The following KCNMB2 variants were observed in gnomAD, a reference collection of about 807,000 sequenced individuals.
KCNMB2 encodes potassium calcium-activated channel subfamily M regulatory beta subunit 2.
KCNMB2 carries 9 observed loss-of-function variants against 24.5 expected under a neutral mutation model. That is an observed-to-expected ratio of 0.37 (90% CI 0.22 to 0.64). KCNMB2 has a LOEUF of 0.64. Among genes scored for constraint, KCNMB2 ranks in the 30% least tolerant of loss-of-function variants. The pLI is 0.63. For missense variants in KCNMB2, 226 were observed against 284.3 expected (o/e 0.79, Z 1.47); for synonymous variants, 109 against 104.4 (o/e 1.04, Z -0.27).
intron 1 of KCNMB2, among the ~76,000 whole-genome samples, chr3:178,626,970 A>G (rs974978300): frequency 1.3e-4 from 20 of 150,810 alleles, no homozygotes; most frequent in Non-Finnish European, 5.9e-5. Flanking sequence ...AACTATAACA[A>G]TGTTAACTTA....
chr3:178,807,544 T>C (rs879477921), intron 2 of KCNMB2, 79 bp downstream of exon 2: 146 of 1,209,822 alleles, frequency 1.2e-4, no homozygotes, highest in Non-Finnish European at 1.7e-4. Context: ...AGGAAAGTAG[T>C]AGGCAACTGA....
At chr3:178,771,570 C>T (rs533897779) in intron 1 of KCNMB2, among the ~76,000 whole-genome samples, 1 of 149,168 alleles carries the variant, frequency 6.7e-6, no homozygotes, top group African/African-American at 2.5e-5. Context: ...CAGCCTCAAC[C>T]TCCTGGGCTC....
At chr3:178,656,720 C>T (rs1244564975) in intron 1 of KCNMB2, among the ~76,000 whole-genome samples, 6 of 151,960 alleles carry the variant, frequency 3.9e-5, no homozygotes, top group Non-Finnish European at 8.8e-5. Flanking sequence ...TGCAGTGAGC[C>T]GAGATCGCGC....
intron 1 of KCNMB2, among the ~76,000 whole-genome samples, chr3:178,558,449 T>A (rs371175988): frequency 6.6e-6 from 1 of 152,326 alleles, no homozygotes; most frequent in African/African-American, 2.4e-5. Flanking sequence ...TGGGGTTTTT[T>A]AAATCTGTAA....
intron 4 of KCNMB2, among the ~76,000 whole-genome samples, chr3:178,832,024 T>A (rs1715074161): frequency 6.6e-6 from 1 of 152,208 alleles, no homozygotes; most frequent in South Asian, 2.1e-4. Flanking sequence ...GACATTACTA[T>A]TGTTGTTGTA....
At chr3:178,582,239 A>G (rs1033226944) in intron 1 of KCNMB2, among the ~76,000 whole-genome samples, 21 of 152,078 alleles carry the variant, frequency 1.4e-4, no homozygotes, top group African/African-American at 4.8e-4. Context: ...GGAAACTATC[A>G]CTCTCAGCAA....
At chr3:178,598,273 G>C (rs1717949622) in intron 1 of KCNMB2, among the ~76,000 whole-genome samples, 1 of 152,136 alleles carries the variant, frequency 6.6e-6, no homozygotes. Context: ...ATCCAGTCAA[G>C]AGATAGCGAC....
chr3:178,641,766 C>T (rs1719736968), intron 1 of KCNMB2, among the ~76,000 whole-genome samples: 1 of 152,062 alleles, frequency 6.6e-6, no homozygotes. Flanking sequence ...TTCTCTTTCT[C>T]TTTAACATCA....
chr3:178,665,949 T>C (rs1720703015), intron 1 of KCNMB2, among the ~76,000 whole-genome samples: 1 of 152,160 alleles, frequency 6.6e-6, no homozygotes, highest in Non-Finnish European at 1.5e-5. Flanking sequence ...CCGTTAAGCC[T>C]TTCTATTACG....
chr3:178,766,825 C>A (rs528117658), intron 1 of KCNMB2, among the ~76,000 whole-genome samples: 1 of 152,154 alleles, frequency 6.6e-6, no homozygotes, highest in Non-Finnish European at 1.5e-5. Context: ...AAACAACTTA[C>A]ATACCCTGAA....
chr3:178,740,301 G>T (rs113638466), intron 1 of KCNMB2, among the ~76,000 whole-genome samples: 18 of 151,624 alleles, frequency 1.2e-4, no homozygotes, highest in African/African-American at 4.1e-4. Context: ...TTGTATTTTT[G>T]AGTAGAGACG....
At chr3:178,626,982 A>T (rs1233854241) in intron 1 of KCNMB2, among the ~76,000 whole-genome samples, 1 of 151,096 alleles carries the variant, frequency 6.6e-6, no homozygotes, top group East Asian at 1.9e-4. Context: ...GTTAACTTAC[A>T]CTGGCCAATG....
intron 1 of KCNMB2, among the ~76,000 whole-genome samples, chr3:178,685,711 C>G (rs4295149): frequency 6.6e-6 from 1 of 152,130 alleles, no homozygotes; most frequent in South Asian, 2.1e-4. Flanking sequence ...TTCCTCACCA[C>G]GAAGTTAATC....
chr3:178,655,204 A>C (rs1036479355), intron 1 of KCNMB2, among the ~76,000 whole-genome samples: 4 of 151,676 alleles, frequency 2.6e-5, no homozygotes, highest in African/African-American at 9.7e-5. Context: ...TTCCATGTCC[A>C]AGAAAAGAAA....
At position 178,735,840 on chromosome 3, in the gene KCNMB2, T is replaced by C. The variant is rs1723296574; in HGVS notation, c.-67-71503T>C. ...GAAGAAGAGACTCACTTTTTCTATG[T>C]AATGAGAGTCAGCACCGTGCTTGAT... On this transcript the variant is annotated intron_variant, in intron 1 of 4. Coordinates refer to ENST00000452583, the MANE Select transcript of KCNMB2 (RefSeq NM_181361.3). Among the ~76,000 whole-genome samples the C allele has an allele frequency of 2.0e-5, 3 of 152,210 alleles. No homozygotes were observed. The South Asian group carries it at 6.2e-4, about 31-fold the overall frequency.
At chr3:178,785,609 A>G (rs752853092) in intron 1 of KCNMB2, among the ~76,000 whole-genome samples, 13 of 152,244 alleles carry the variant, frequency 8.5e-5, no homozygotes, top group South Asian at 8.3e-4. Flanking sequence ...AAGTAAGTAG[A>G]GAATGGAAGG....
chr3:178,746,250 G>C (rs1284492170), intron 1 of KCNMB2, among the ~76,000 whole-genome samples: 1 of 152,176 alleles, frequency 6.6e-6, no homozygotes, highest in African/African-American at 2.4e-5. Context: ...TGTACTGGCA[G>C]TCTCAATACC....
chr3:178,605,738 T>C (rs1199037667), intron 1 of KCNMB2, among the ~76,000 whole-genome samples: 1 of 152,204 alleles, frequency 6.6e-6, no homozygotes, highest in Non-Finnish European at 1.5e-5. Flanking sequence ...TTTGGCTGAA[T>C]AGTGTTTATG....
chr3:178,797,980 G>C (rs546578113), intron 1 of KCNMB2, among the ~76,000 whole-genome samples: 1 of 152,228 alleles, frequency 6.6e-6, no homozygotes, highest in African/African-American at 2.4e-5. Context: ...TTTGCACATT[G>C]ATTTTGTATC....
Sources: gnomAD v4.1 joint callset for allele counts (sites outside exome capture counted in the v4.1 genomes callset) on GRCh38, gnomAD v4.1.1 for gene constraint, MANE v1.5 for transcripts, NCBI Gene and HGNC (gene_info 2026-07-23, HGNC 2026-07-21) for gene names.